The following WNT10A variants were observed in gnomAD, a reference collection of about 807,000 sequenced individuals.
WNT10A encodes the protein Wnt family member 10A.
A neutral mutation model predicts 36.1 loss-of-function variants in WNT10A; 37 were observed. The observed-to-expected ratio is 1.02, with a 90% CI of 0.79 to 1.35. The LOEUF is 1.35. Among genes scored for constraint, WNT10A ranks in the 40% most tolerant of loss-of-function variants. The pLI, the probability that WNT10A is intolerant of heterozygous loss-of-function variation, is 0.00. For synonymous variants in WNT10A, 255 were observed against 254.1 expected (o/e 1.00, Z -0.03); for missense variants, 613 against 601.4 (o/e 1.02, Z -0.20).
intron 1 of WNT10A, among the ~76,000 whole-genome samples, chr2:218,881,706 GTGTGTC>G (rs1194588339): frequency 1.3e-5 from 2 of 152,224 alleles, no homozygotes; most frequent in Non-Finnish European, 2.9e-5. Flanking sequence ...GTCTTTGTGT[GTGTGTC>G]TGTAACTATG....
In WNT10A at chr2:218,892,814, GCA is replaced by G. The variant is rs746026067; in HGVS notation, c.799_800del (p.Thr267ValfsTer160). On this transcript the variant is annotated frameshift_variant, in exon 4 of 4. Coordinates refer to ENST00000258411, the MANE Select transcript of WNT10A (RefSeq NM_025216.3). LOFTEE classifies it high-confidence loss of function. ...ATGCGGCGGAAGTGCAAGTGCCACGGCACGTCAGGCAGCTGCCAGCTCAAGAC... is the reference window on the plus strand; with the variant it reads ...ATGCGGCGGAAGTGCAAGTGCCACGGCGTCAGGCAGCTGCCAGCTCAAGAC... The G allele has an allele frequency of 6.3e-7, 1 of 1,596,432 alleles. No homozygotes were observed. The highest frequency in any genetic ancestry group is 1.1e-5 in the South Asian group (1 of 88,248).
chr2:218,875,356 G>A, the WNT10A span, among the ~76,000 whole-genome samples: 6 of 150,772 alleles, frequency 4.0e-5, no homozygotes, highest in African/African-American at 1.5e-4. Flanking sequence ...ACTTGGATAC[G>A]TTTTTTTGTA....
In WNT10A at chr2:218,880,867, C is replaced by CGT; in HGVS notation, c.-129_-128insGT. On this transcript the variant is annotated 5_prime_UTR_variant, in exon 1 of 4. Transcript: ENST00000258411. The surrounding 1 kb of genome is among the most constrained non-coding windows in gnomAD (Gnocchi z 7.7). ...GGCGGGCGCCGTCTGCTCCGGGAGCCCTGACCCGAGTCGGAGCTGTGTGTC... is the reference window on the plus strand; with the variant it reads ...GGCGGGCGCCGTCTGCTCCGGGAGCCGTCTGACCCGAGTCGGAGCTGTGTGTC... The CGT allele has an allele frequency of 8.3e-7, 1 of 1,200,884 alleles. No individual in the cohort carries two copies. Among genetic ancestry groups the CGT allele is most frequent in the Non-Finnish European group, 1.1e-6 (1 of 900,768 alleles). The allele number at this position is 1,200,884 out of a possible 1,614,324, so 74.4% of individuals were successfully genotyped here. A position where few individuals can be genotyped will look rare whatever the true frequency, so the allele number is the denominator to read the frequency against.
chr2:218,879,040 T>C (rs1575228264), upstream of WNT10A, among the ~76,000 whole-genome samples: 1 of 152,278 alleles, frequency 6.6e-6, no homozygotes, highest in East Asian at 1.9e-4. Context: ...TGCCCCTGGC[T>C]GTTTTCCTGC....
intron 2 of WNT10A, chr2:218,883,750 C>T (rs932283023): frequency 6.6e-6 from 1 of 151,938 alleles, no homozygotes; most frequent in African/African-American, 2.4e-5. Flanking sequence ...CCCGCCCCAC[C>T]GCCGCCCGGG....
intron 2 of WNT10A, among the ~76,000 whole-genome samples, chr2:218,885,465 T>C (rs1010878466): frequency 6.6e-6 from 1 of 152,128 alleles, no homozygotes; most frequent in Admixed American, 6.5e-5. Context: ...AGGGGGCTGC[T>C]GGGAGCTGGG....
chr2:218,876,442 G>A (rs1477623738), upstream of WNT10A, among the ~76,000 whole-genome samples: 1 of 152,168 alleles, frequency 6.6e-6, no homozygotes, highest in Non-Finnish European at 1.5e-5. Context: ...GACCTAGCCT[G>A]CTTCAATCCT....
upstream of WNT10A, among the ~76,000 whole-genome samples, chr2:218,877,903 A>G (rs1344780525): frequency 6.6e-6 from 1 of 152,168 alleles, no homozygotes; most frequent in African/African-American, 2.4e-5. The surrounding 1 kb of genome is among the most constrained non-coding windows in gnomAD (Gnocchi z 4.1). Context: ...CCAGCTGGGC[A>G]CCAGGACTGG....
chr2:218,887,697 C>T (rs1944595543), intron 2 of WNT10A, among the ~76,000 whole-genome samples: 1 of 152,170 alleles, frequency 6.6e-6, no homozygotes, highest in Non-Finnish European at 1.5e-5. Flanking sequence ...TGGGCTTTGT[C>T]CCTGATCAGG....
the WNT10A span, among the ~76,000 whole-genome samples, chr2:218,875,397 A>G: frequency 6.6e-6 from 1 of 151,480 alleles, no homozygotes; most frequent in Non-Finnish European, 1.5e-5. Context: ...TCACCGTGTT[A>G]GCCAAGACGG....
intron 2 of WNT10A, among the ~76,000 whole-genome samples, chr2:218,885,758 G>A (rs1316452422): frequency 6.6e-6 from 1 of 152,184 alleles, no homozygotes; most frequent in Non-Finnish European, 1.5e-5. Context: ...TTGGTTTTAT[G>A]CCTAGGCCTC....
intron 1 of WNT10A, 41 bp from the exon 2 acceptor site, chr2:218,882,120 C>T (rs750139262): frequency 2.5e-6 from 4 of 1,595,120 alleles, no homozygotes; most frequent in Admixed American, 3.4e-5. Context: ...CTCTCCTGGT[C>T]CCCCCAAAAC....
chr2:218,879,757 C>A (rs1029872174), upstream of WNT10A, among the ~76,000 whole-genome samples: 2 of 152,178 alleles, frequency 1.3e-5, no homozygotes, highest in African/African-American at 4.8e-5. Flanking sequence ...GCGTTCGGTT[C>A]TCGCTCTTCC....
At chr2:218,885,120 A>G (rs989562156) in intron 2 of WNT10A, among the ~76,000 whole-genome samples, 5 of 152,222 alleles carry the variant, frequency 3.3e-5, no homozygotes, top group African/African-American at 1.2e-4. Context: ...TGAGGCATGC[A>G]ATAGGGCTTT....
At chr2:218,884,550 A>G (rs367907274) in intron 2 of WNT10A, among the ~76,000 whole-genome samples, 1 of 151,722 alleles carries the variant, frequency 6.6e-6, no homozygotes, top group Non-Finnish European at 1.5e-5. Flanking sequence ...CTCTACTTCT[A>G]CCTTCTACCT....
At chr2:218,886,986 C>T (rs894136542) in intron 2 of WNT10A, among the ~76,000 whole-genome samples, 8 of 152,192 alleles carry the variant, frequency 5.3e-5, no homozygotes, top group African/African-American at 1.7e-4. Flanking sequence ...CCCAGGCTTA[C>T]CCTTAAATGT....
chr2:218,874,180 C>A, the WNT10A span: 1 of 322,372 alleles, frequency 3.1e-6, no homozygotes, highest in Non-Finnish European at 5.6e-6. Context: ...CCCAGAACTG[C>A]TGGCCACAGG....
At chr2:218,889,747 A>G (rs1371261727) in intron 2 of WNT10A, among the ~76,000 whole-genome samples, 1 of 152,238 alleles carries the variant, frequency 6.6e-6, no homozygotes, top group Non-Finnish European at 1.5e-5. Context: ...AGAACAGGAG[A>G]AGGGCGTACA....
intron 2 of WNT10A, among the ~76,000 whole-genome samples, chr2:218,883,562 T>G: frequency 2.2e-5 from 1 of 44,906 alleles, no homozygotes; most frequent in Non-Finnish European, 4.3e-5. Flanking sequence ...CCCCGCGCGC[T>G]CCCTCCTCCC....
Sources: allele counts gnomAD v4.1 joint callset (sites outside exome capture counted in the v4.1 genomes callset), GRCh38; gene constraint gnomAD v4.1.1; non-coding constraint Gnocchi (gnomAD v3.1); transcripts MANE v1.5; gene names NCBI Gene and HGNC (gene_info 2026-07-23, HGNC 2026-07-21).